Variants in ASTN2 observed in about 807,000 individuals in gnomAD.
The protein encoded by ASTN2 is astrotactin-2.
ASTN2 carries 54 observed loss-of-function variants against 139.8 expected under a neutral mutation model. The observed-to-expected ratio is 0.39, with a 90% CI of 0.31 to 0.48. The LOEUF (loss-of-function observed/expected upper bound fraction) is 0.48, where lower values mean the gene tolerates loss of function less well. Ranked by LOEUF, ASTN2 falls within the 20% of genes least tolerant of loss-of-function variation. The pLI is 0.95. For synonymous variants in ASTN2, 756 were observed against 719.5 expected (o/e 1.05, Z -0.81); for missense variants, 1,565 against 1,725.1 (o/e 0.91, Z 1.64).
chr9:117,127,960 G>A (rs535807794), intron 4 of ASTN2, among the ~76,000 whole-genome samples: 102 of 152,170 alleles, frequency 6.7e-4, no homozygotes, highest in African/African-American at 2.4e-3. Flanking sequence ...GATTACAGGC[G>A]TGAGCCACCG....
chr9:116,719,780 G>T (rs1828421673), intron 16 of ASTN2, among the ~76,000 whole-genome samples: 1 of 151,966 alleles, frequency 6.6e-6, no homozygotes, highest in Non-Finnish European at 1.5e-5. Flanking sequence ...AGACAGAGAT[G>T]CAACAGTCCA....
chr9:117,016,677 T>G, intron 6 of ASTN2, among the ~76,000 whole-genome samples: 1 of 135,378 alleles, frequency 7.4e-6, no homozygotes, highest in Non-Finnish European at 1.5e-5. Context: ...ATGTTACATA[T>G]ATATAGGTTA....
chr9:116,783,654 G>A (rs1830281665), intron 13 of ASTN2, among the ~76,000 whole-genome samples: 1 of 152,098 alleles, frequency 6.6e-6, no homozygotes, highest in Non-Finnish European at 1.5e-5. Flanking sequence ...TAGCAGCAGA[G>A]GTTGAATTCA....
At chr9:117,149,468 G>T (rs1830278775) in intron 3 of ASTN2, among the ~76,000 whole-genome samples, 1 of 151,794 alleles carries the variant, frequency 6.6e-6, no homozygotes, top group Non-Finnish European at 1.5e-5. Context: ...TGTCTTCTTG[G>T]TTCTGTTTCT....
rs1828088718 is a variant in ASTN2, at chr9:117,314,818, A to G, written c.443-23305T>C. ...TTATATAATATACTATATATTTTAT[A>G]TAACTATATAATTATAATTATAATC... is the stretch of plus-strand genomic sequence containing the variant. On this transcript the variant is annotated intron_variant, in intron 1 of 22. Transcript: ENST00000313400. Among the ~76,000 whole-genome samples the G allele has an allele frequency of 2.1e-5, 3 of 145,766 alleles. No individual in the cohort carries two copies. The South Asian group carries it at 6.3e-4, about 31-fold the overall frequency.
intron 1 of ASTN2, among the ~76,000 whole-genome samples, chr9:117,319,448 A>AGG (rs1483195011): frequency 1.3e-5 from 2 of 152,026 alleles, no homozygotes; most frequent in East Asian, 3.9e-4. Context: ...TCTTTTTTTG[A>AGG]GACAGCATCT....
chr9:117,275,290 AT>A (rs1002684684), intron 2 of ASTN2, among the ~76,000 whole-genome samples: 1 of 151,954 alleles, frequency 6.6e-6, no homozygotes, highest in East Asian at 1.9e-4. Flanking sequence ...ATTTTTAGGA[AT>A]TTTTTTTACA....
chr9:117,066,379 T>C (rs1280246341), intron 5 of ASTN2, among the ~76,000 whole-genome samples: 1 of 148,710 alleles, frequency 6.7e-6, no homozygotes, highest in Non-Finnish European at 1.5e-5. Flanking sequence ...TAGTATTCCA[T>C]GGTGTATATG....
intron 10 of ASTN2, among the ~76,000 whole-genome samples, chr9:116,928,648 A>C (rs1302180378): frequency 6.6e-6 from 1 of 152,240 alleles, no homozygotes; most frequent in Non-Finnish European, 1.5e-5. Flanking sequence ...AAGAAATAAA[A>C]GAAAACTGTA....
Position 116,925,726 on chromosome 9 carries a change from T to A in ASTN2, c.1889+49482A>T, listed in dbSNP as rs556719858. 2.6e-5 allele frequency among the ~76,000 whole-genome samples: 4 copies of A among 152,116 alleles called. No individual in the cohort carries two copies. In the South Asian group the frequency reaches 8.3e-4, roughly 32 times the overall value. ...TGTGGGGGGTGGGGGGATGAACATA[T>A]TGTAGGCTGTGATTAATAATTTAAA... On this transcript the variant is annotated intron_variant, in intron 10 of 22. Transcript: ENST00000313400.
intron 10 of ASTN2, among the ~76,000 whole-genome samples, chr9:116,931,196 C>G (rs992313209): frequency 1.3e-5 from 2 of 152,208 alleles, no homozygotes; most frequent in African/African-American, 2.4e-5. Flanking sequence ...TGGCTTCCTT[C>G]TCCTTGAGCC....
intron 1 of ASTN2, among the ~76,000 whole-genome samples, chr9:117,394,977 G>A (rs1240761156): frequency 3.9e-5 from 6 of 152,078 alleles, no homozygotes. Context: ...TGATGAGGGT[G>A]GTGGAAACGA....
chr9:117,035,955 G>A (rs1838373157), intron 6 of ASTN2, among the ~76,000 whole-genome samples: 1 of 152,094 alleles, frequency 6.6e-6, no homozygotes, highest in South Asian at 2.1e-4. Flanking sequence ...CCATATTCCA[G>A]CTTCTGAAGT....
intron 4 of ASTN2, among the ~76,000 whole-genome samples, chr9:117,117,114 A>C (rs1477726848): frequency 6.6e-6 from 1 of 152,084 alleles, no homozygotes; most frequent in Non-Finnish European, 1.5e-5. Flanking sequence ...CACAGCAGTC[A>C]AGAAATCAGG....
At chr9:117,236,410 G>C (rs1043563920) in intron 2 of ASTN2, among the ~76,000 whole-genome samples, 3 of 152,154 alleles carry the variant, frequency 2.0e-5, no homozygotes, top group African/African-American at 7.2e-5. Context: ...GCTGGCAGTA[G>C]ATGGGCATTG....
chr9:117,008,120 G>A lies in ASTN2; in HGVS notation c.1563C>T (p.Ala521=). 1 of 1,605,942 alleles carries A rather than the reference G, an allele frequency of 6.2e-7. No individual in the cohort carries two copies. Among genetic ancestry groups the A allele is most frequent in the Non-Finnish European group, 8.5e-7 (1 of 1,175,952 alleles). ...TTTCTGGGTCGCAGAGCTGCTCACA[G>A]GCATCTGTCGTCCTTTGTCCACAGA... ...RDLCGQRTTD[A]CEQLCDPETG... is the part of the protein sequence containing the mutation. Residue 521 remains alanine (A), a synonymous_variant, in exon 7 of 23, where the codon GCC becomes GCT. Coordinates refer to ENST00000313400, the MANE Select transcript of ASTN2 (RefSeq NM_001365068.1).
intron 20 of ASTN2, among the ~76,000 whole-genome samples, chr9:116,454,972 G>A (rs937696670): frequency 2.6e-5 from 4 of 152,008 alleles, no homozygotes; most frequent in African/African-American, 9.7e-5. Flanking sequence ...CACCAACATG[G>A]CACATGTATA....
rs116203174 is a variant in ASTN2 at position 117,099,412 on chromosome 9, C to A, written c.1169-3261G>T. On this transcript the variant is annotated intron_variant, in intron 4 of 22. Coordinates refer to ENST00000313400, the MANE Select transcript of ASTN2 (RefSeq NM_001365068.1). Reference sequence around the variant, plus strand: ...CTTCCCTCCCATCCTAAACACATGACCTGTTATGGCCCTACCATGGTGAAC... The same window carrying A: ...CTTCCCTCCCATCCTAAACACATGAACTGTTATGGCCCTACCATGGTGAAC... Among the ~76,000 whole-genome samples, 651 of 152,304 alleles carry A rather than the reference C, an allele frequency of 4.3e-3. 4 individuals carry two copies. The highest frequency in any genetic ancestry group is 0.015 in the African/African-American group (631 of 41,566).
chr9:117,405,951 G>A (rs575565620), intron 1 of ASTN2, among the ~76,000 whole-genome samples: 2 of 152,322 alleles, frequency 1.3e-5, no homozygotes, highest in South Asian at 4.1e-4. Context: ...GGCTATGGGT[G>A]CTTAGAAGAG....
Sources: allele counts gnomAD v4.1 joint callset (sites outside exome capture counted in the v4.1 genomes callset), GRCh38; gene constraint gnomAD v4.1.1; transcripts MANE v1.5; gene names NCBI Gene and HGNC (gene_info 2026-07-23, HGNC 2026-07-21).